MAF: variants seen among roughly 807,000 people sequenced by gnomAD.
MAF encodes the protein MAF bZIP transcription factor.
MAF carries 10 observed loss-of-function variants against 22.0 expected under a neutral mutation model. The ratio of observed to expected loss-of-function variants is 0.45; its 90% CI spans 0.28 to 0.77. The LOEUF (loss-of-function observed/expected upper bound fraction) is 0.77. Among genes scored for constraint, MAF ranks in the 30% least tolerant of loss-of-function variants. The pLI is 0.12. For synonymous variants in MAF, 337 were observed against 255.8 expected, an observed-to-expected ratio of 1.32 and a Z score of -3.03; for missense variants, 544 against 548.4, an observed-to-expected ratio of 0.99 and a Z score of 0.08.
chr16:79,509,486 G>A, the MAF span, among the ~76,000 whole-genome samples: 2 of 152,232 alleles, frequency 1.3e-5, no homozygotes, highest in African/African-American at 2.4e-5. Context: ...TGGCAGCGGG[G>A]CCCTTGCTGG....
chr16:79,547,286 TACAC>T, the MAF span, among the ~76,000 whole-genome samples: 12 of 150,836 alleles, frequency 8.0e-5, no homozygotes, highest in Non-Finnish European at 1.0e-4. Context: ...CACACGCACA[TACAC>T]ACACACACAT....
the MAF span, among the ~76,000 whole-genome samples, chr16:79,502,674 AATAAAT>A: frequency 2.6e-3 from 195 of 75,926 alleles, 7 homozygotes; most frequent in Middle Eastern, 0.022. Flanking sequence ...TCCAAAAATA[AATAAAT>A]ATAAATATAA....
the MAF span, among the ~76,000 whole-genome samples, chr16:79,549,696 C>G: frequency 2.6e-5 from 4 of 152,130 alleles, no homozygotes; most frequent in African/African-American, 9.7e-5. Flanking sequence ...CAATGTGGGT[C>G]ATCTTGCAGC....
intron 1 of MAF, chr16:79,596,020 G>A: frequency 1.9e-6 from 2 of 1,060,846 alleles, no homozygotes; most frequent in Non-Finnish European, 2.3e-6. Context: ...TGTAAGAGAA[G>A]AAGGAAAAAT....
At chr16:79,472,789 G>T in the MAF span, among the ~76,000 whole-genome samples, 2 of 151,896 alleles carry the variant, frequency 1.3e-5, no homozygotes, top group Admixed American at 6.6e-5. Context: ...TAAATTGTAC[G>T]TCAATAATGT....
the MAF span, among the ~76,000 whole-genome samples, chr16:79,459,774 G>A: frequency 3.9e-5 from 6 of 152,052 alleles, no homozygotes; most frequent in Non-Finnish European, 5.9e-5. Context: ...ATGTTGCCCA[G>A]GTTGGTCTTG....
the MAF span, among the ~76,000 whole-genome samples, chr16:79,443,846 A>T: frequency 6.6e-6 from 1 of 152,192 alleles, no homozygotes; most frequent in South Asian, 2.1e-4. Flanking sequence ...AATTTAAATG[A>T]GGTAGGTAAC....
the MAF span, among the ~76,000 whole-genome samples, chr16:79,365,408 G>T: frequency 2.6e-5 from 4 of 152,186 alleles, no homozygotes; most frequent in Admixed American, 6.5e-5. Context: ...CAACGCTGCT[G>T]ATGTTTACTG....
chr16:79,327,227 T>C, the MAF span, among the ~76,000 whole-genome samples: 2 of 152,208 alleles, frequency 1.3e-5, no homozygotes, highest in East Asian at 3.8e-4. Context: ...GGGAGACCAG[T>C]TCGGTAGTGC....
At chr16:79,582,823 C>A (rs1370015198), downstream of MAF, among the ~76,000 whole-genome samples, 1 of 152,184 alleles carries the variant, frequency 6.6e-6, no homozygotes, top group East Asian at 1.9e-4. Context: ...AGAGAGCATT[C>A]TCCTTCCCTT....
chr16:79,590,795 C>T (rs1913147929), downstream of MAF, among the ~76,000 whole-genome samples: 1 of 152,108 alleles, frequency 6.6e-6, no homozygotes, highest in African/African-American at 2.4e-5. Flanking sequence ...GGGCCATACT[C>T]TCCCAGCCTC....
the MAF span, among the ~76,000 whole-genome samples, chr16:79,334,347 G>A: frequency 6.6e-6 from 1 of 152,138 alleles, no homozygotes; most frequent in Non-Finnish European, 1.5e-5. Context: ...AGAAGCAAAC[G>A]AATCCACACC....
the MAF span, among the ~76,000 whole-genome samples, chr16:79,449,791 T>C: frequency 6.6e-6 from 1 of 152,178 alleles, no homozygotes; most frequent in Non-Finnish European, 1.5e-5. Flanking sequence ...AGCTATGATT[T>C]ACCCAGAAAG....
chr16:79,589,909 G>A (rs372000036), downstream of MAF, among the ~76,000 whole-genome samples: 987 of 152,280 alleles, frequency 6.5e-3, 15 homozygotes, highest in African/African-American at 0.023. Flanking sequence ...TGCGTTGCTG[G>A]CGTCTGAGCG....
At chr16:79,418,944 C>A in the MAF span, among the ~76,000 whole-genome samples, 29,108 of 151,920 alleles carry the variant, frequency 0.19, 3,105 homozygotes, top group African/African-American at 0.3. Flanking sequence ...GCCTGTGGTA[C>A]CAGCAGCAAC....
the MAF span, among the ~76,000 whole-genome samples, chr16:79,455,039 T>C: frequency 1.5e-4 from 22 of 150,812 alleles, no homozygotes; most frequent in Middle Eastern, 3.4e-3. Flanking sequence ...GAGGTTGCTG[T>C]GAGCCGAGAT....
chr16:79,391,031 G>T, the MAF span, among the ~76,000 whole-genome samples: 1 of 152,108 alleles, frequency 6.6e-6, no homozygotes, highest in African/African-American at 2.4e-5. Flanking sequence ...ACACTGCCAG[G>T]GTCCACTGCT....
At chr16:79,566,047 C>A in the MAF span, among the ~76,000 whole-genome samples, 1 of 152,196 alleles carries the variant, frequency 6.6e-6, no homozygotes, top group Non-Finnish European at 1.5e-5. Flanking sequence ...GCTCTTAGGT[C>A]TAGGTTTGTG....
chr16:79,598,640 G>A (rs1913742397), intron 1 of MAF, 145 bp downstream of exon 1: 2 of 1,526,104 alleles, frequency 1.3e-6, no homozygotes, highest in Non-Finnish European at 8.7e-7. Flanking sequence ...TGTGTGTGTA[G>A]GGGGCCAAGG....
Sources: gnomAD v4.1 joint callset for allele counts (sites outside exome capture counted in the v4.1 genomes callset) on GRCh38, gnomAD v4.1.1 for gene constraint, MANE v1.5 for transcripts, NCBI Gene and HGNC (gene_info 2026-07-23, HGNC 2026-07-21) for gene names.